NUDCD1: variants seen among roughly 807,000 people sequenced by gnomAD.
NUDCD1 encodes NudC domain containing 1.
Under a neutral mutation model 67.8 loss-of-function variants are expected in NUDCD1, and 60 were observed. That is an observed-to-expected ratio of 0.88 (90% CI 0.72 to 1.10). The LOEUF (loss-of-function observed/expected upper bound fraction) is 1.10. Among genes scored for constraint, NUDCD1 ranks in the 50% least tolerant of loss-of-function variants. The pLI is 0.00. For missense variants in NUDCD1, 643 were observed against 695.0 expected (o/e 0.93, Z 0.84); for synonymous variants, 244 against 230.8 (o/e 1.06, Z -0.52).
At chr8:109,324,950 T>C (rs1304997742) in intron 1 of NUDCD1, among the ~76,000 whole-genome samples, 1 of 151,954 alleles carries the variant, frequency 6.6e-6, no homozygotes, top group East Asian at 1.9e-4. Context: ...ATTAGCTGGG[T>C]GTGACAGTGC....
At position 109,242,217 on chromosome 8, in the gene NUDCD1, G is replaced by A. The variant is rs533781194; in HGVS notation, c.*792C>T. On this transcript the variant is annotated 3_prime_UTR_variant, in exon 10 of 10. Coordinates refer to ENST00000239690, the MANE Select transcript of NUDCD1 (RefSeq NM_032869.4). ...GTAAATATGATAGATGTACAGGATC[G>A]ATAAGCTCTTGCATATTGGAGCTTG... The A allele has an allele frequency of 3.8e-5, 15 of 397,302 alleles. No individual in the cohort carries two copies. Among genetic ancestry groups the A allele is most frequent in the Middle Eastern group, 6.3e-4 (1 of 1,580 alleles). 24.6% of individuals were successfully genotyped at this position (397,302 alleles called of 1,614,324 possible).
chr8:109,243,553 A>C (rs1813425349), intron 9 of NUDCD1, among the ~76,000 whole-genome samples: 1 of 152,186 alleles, frequency 6.6e-6, no homozygotes, highest in African/African-American at 2.4e-5. Context: ...AAAAAAGCGT[A>C]ATATAGCTTC....
chr8:109,253,689 G>A (rs943202723), intron 8 of NUDCD1, among the ~76,000 whole-genome samples: 23 of 152,088 alleles, frequency 1.5e-4, no homozygotes, highest in African/African-American at 5.6e-4. Flanking sequence ...ATTGTACTTT[G>A]CTCTTTCTTC....
chr8:109,304,621 G>A (rs547589147), intron 2 of NUDCD1, among the ~76,000 whole-genome samples: 2 of 152,218 alleles, frequency 1.3e-5, no homozygotes, highest in Non-Finnish European at 2.9e-5. Flanking sequence ...CTGTTATATG[G>A]GCTGAAAGAG....
chr8:109,285,243 A>G (rs1424168645), intron 5 of NUDCD1, among the ~76,000 whole-genome samples: 2 of 151,856 alleles, frequency 1.3e-5, no homozygotes, highest in Non-Finnish European at 2.9e-5. Flanking sequence ...TACAAGGAAA[A>G]GCCGGTACCA....
Position 109,296,526 on chromosome 8 carries a change from G to T in NUDCD1, c.317C>A (p.Thr106Lys). ...GKPREVFRLP[T>K]DLTACDNRLC... ...ACGGTTGTCACATGCTGTCAAATCTGTAGGAAGTCGAAACACCTCTCGTGG... is the reference window on the plus strand; with the variant it reads ...ACGGTTGTCACATGCTGTCAAATCTTTAGGAAGTCGAAACACCTCTCGTGG... Residue 106 changes from threonine to lysine, a missense_variant, in exon 3 of 10, where the codon ACA (threonine) becomes AAA (lysine). By Grantham distance (78) the Thr-to-Lys change is moderately conservative (BLOSUM62 -1). Transcript: ENST00000239690. 2 of 1,610,984 alleles carry T rather than the reference G, an allele frequency of 1.2e-6. No homozygotes were observed. Among genetic ancestry groups the T allele is most frequent in the Non-Finnish European group, 1.7e-6 (2 of 1,177,868 alleles).
At chr8:109,298,544 G>A (rs1341223922) in intron 2 of NUDCD1, 1 of 152,066 alleles carries the variant, frequency 6.6e-6, no homozygotes, top group Non-Finnish European at 1.5e-5. Context: ...TGTGTTAAAG[G>A]AAAAGGAAAA....
rs1815030214 is a variant in NUDCD1 at position 109,303,237 on chromosome 8, C to T, written c.274-6668G>A. On this transcript the variant is annotated intron_variant, in intron 2 of 9. Coordinates refer to ENST00000239690, the MANE Select transcript of NUDCD1 (RefSeq NM_032869.4). ...GCCCCTGGAACTCTGGCCCAAGGCTCTCTGACTGACTCCTTCCCAGATCTT... is the reference window on the plus strand; with the variant it reads ...GCCCCTGGAACTCTGGCCCAAGGCTTTCTGACTGACTCCTTCCCAGATCTT... 2.0e-5 allele frequency among the ~76,000 whole-genome samples: 3 copies of T among 152,226 alleles called. No individual in the cohort carries two copies. In the South Asian group the frequency reaches 6.2e-4, roughly 32 times the overall value.
chr8:109,251,168 CTTTT>C (rs1161896743), intron 8 of NUDCD1, among the ~76,000 whole-genome samples: 1 of 134,806 alleles, frequency 7.4e-6, no homozygotes, highest in African/African-American at 2.6e-5. Context: ...TCATCTATTT[CTTTT>C]TTTTTTTTTC....
At chr8:109,318,031 G>A (rs1264090842) in intron 2 of NUDCD1, among the ~76,000 whole-genome samples, 1 of 152,034 alleles carries the variant, frequency 6.6e-6, no homozygotes, top group African/African-American at 2.4e-5. Flanking sequence ...AAAAATAATG[G>A]TAAAACAGTT....
intron 1 of NUDCD1, among the ~76,000 whole-genome samples, chr8:109,331,259 G>A (rs1236324995): frequency 2.6e-5 from 4 of 151,640 alleles, no homozygotes; most frequent in African/African-American, 7.3e-5. Flanking sequence ...GCTTGAACCC[G>A]GGAGGCGGAA....
intron 5 of NUDCD1, among the ~76,000 whole-genome samples, chr8:109,286,318 C>T (rs577895751): frequency 2.6e-5 from 4 of 152,100 alleles, no homozygotes; most frequent in South Asian, 4.1e-4. Flanking sequence ...AAAATTCGTA[C>T]GGATCCAAAA....
chr8:109,312,775 G>A (rs1340363153), intron 2 of NUDCD1, among the ~76,000 whole-genome samples: 1 of 152,208 alleles, frequency 6.6e-6, no homozygotes, highest in African/African-American at 2.4e-5. Context: ...ACTAACAGGT[G>A]TTCTGTTGAA....
chr8:109,290,449 T>C (rs1427555933), intron 4 of NUDCD1, among the ~76,000 whole-genome samples: 1 of 152,102 alleles, frequency 6.6e-6, no homozygotes, highest in African/African-American at 2.4e-5. Flanking sequence ...GTGATAAGTT[T>C]CTTCTGAAAA....
intron 1 of NUDCD1, among the ~76,000 whole-genome samples, chr8:109,329,313 AG>A (rs1333848052): frequency 6.6e-6 from 1 of 152,182 alleles, no homozygotes; most frequent in Non-Finnish European, 1.5e-5. Flanking sequence ...AAGAAATAAT[AG>A]CCAAAATATT....
intron 5 of NUDCD1, among the ~76,000 whole-genome samples, chr8:109,288,879 G>C (rs1040072237): frequency 1.3e-5 from 2 of 151,982 alleles, no homozygotes; most frequent in Admixed American, 1.3e-4. Context: ...TCAGAAATAT[G>C]AACAGTAATT....
At position 109,271,952 on chromosome 8, in the gene NUDCD1, A is replaced by C. The variant is rs561646559; in HGVS notation, c.1174-822T>G. Reference sequence around the variant, plus strand: ...ACCAAATTATATACATAACAAAAATAACTTTGGAAAAGGGAAGAAAAGAGA... The same window carrying C: ...ACCAAATTATATACATAACAAAAATCACTTTGGAAAAGGGAAGAAAAGAGA... On this transcript the variant is annotated intron_variant, in intron 7 of 9. Coordinates refer to ENST00000239690, the MANE Select transcript of NUDCD1 (RefSeq NM_032869.4). Among the ~76,000 whole-genome samples the C allele has an allele frequency of 9.2e-5, 14 of 152,242 alleles. No individual in the cohort carries two copies. In the East Asian group the frequency reaches 2.7e-3, roughly 29 times the overall value.
chr8:109,311,474 G>A (rs1245554018), intron 2 of NUDCD1, among the ~76,000 whole-genome samples: 4 of 150,940 alleles, frequency 2.7e-5, no homozygotes, highest in Non-Finnish European at 5.9e-5. Context: ...TTCCACACAC[G>A]TTTATAGCAG....
At chr8:109,300,734 C>G (rs4489305) in intron 2 of NUDCD1, among the ~76,000 whole-genome samples, 14,907 of 152,190 alleles carry the variant, frequency 0.098, 782 homozygotes, top group Middle Eastern at 0.14. Context: ...CATCCAAATA[C>G]AAGAAGCACA....
Sources: gnomAD v4.1 joint callset for allele counts (sites outside exome capture counted in the v4.1 genomes callset) on GRCh38, gnomAD v4.1.1 for gene constraint, MANE v1.5 for transcripts, NCBI Gene and HGNC (gene_info 2026-07-23, HGNC 2026-07-21) for gene names.